Variants in FMNL2 observed in about 807,000 individuals in gnomAD.
FMNL2 encodes formin like 2.
A neutral mutation model predicts 130.2 loss-of-function variants in FMNL2; 51 were observed. That is an observed-to-expected ratio of 0.39 (90% confidence interval 0.31 to 0.49). The LOEUF (loss-of-function observed/expected upper bound fraction) is 0.49, where lower values mean the gene tolerates loss of function less well. Ranked by LOEUF, FMNL2 falls within the 20% of genes least tolerant of loss-of-function variation. The probability of loss-of-function intolerance (pLI) is 0.85; values close to 1 mark genes in which losing one functional copy is unlikely to be tolerated. For missense variants in FMNL2, 977 were observed against 1,316.2 expected (o/e 0.74, Z 3.99); for synonymous variants, 465 against 467.1 (o/e 1.00, Z 0.06).
At chr2:152,568,059 G>A (rs1695952631) in intron 6 of FMNL2, among the ~76,000 whole-genome samples, 1 of 152,076 alleles carries the variant, frequency 6.6e-6, no homozygotes, top group African/African-American at 2.4e-5. Context: ...TATGTAGTCT[G>A]GGTATTGAAG....
chr2:152,519,837 TA>T (rs1360350470), intron 1 of FMNL2, among the ~76,000 whole-genome samples: 1 of 152,240 alleles, frequency 6.6e-6, no homozygotes, highest in African/African-American at 2.4e-5. Context: ...TTATTCCCTT[TA>T]TATCTCGAGA....
chr2:152,488,879 ACCAGTCTGTGCAACATAGACT>A (rs1431962761), intron 1 of FMNL2, among the ~76,000 whole-genome samples: 1 of 151,694 alleles, frequency 6.6e-6, no homozygotes, highest in African/African-American at 2.4e-5. Context: ...GGAGTTTGAG[ACCAGTCTGTGCAACATAGACT>A]CCATCTACAA....
intron 3 of FMNL2, among the ~76,000 whole-genome samples, chr2:152,543,206 C>T (rs1229707539): frequency 6.6e-6 from 1 of 152,150 alleles, no homozygotes; most frequent in Admixed American, 6.5e-5. Flanking sequence ...ATCACTGGGC[C>T]TTTGTCATCC....
intron 2 of FMNL2, among the ~76,000 whole-genome samples, chr2:152,538,813 C>A (rs1487306149): frequency 6.6e-6 from 1 of 152,144 alleles, no homozygotes; most frequent in Non-Finnish European, 1.5e-5. Flanking sequence ...CCTGATTTGC[C>A]AAACCTTTTC....
rs1374042343 is a variant in FMNL2 at position 152,648,932 on chromosome 2, A to T, written c.*1027A>T. 2 of 152,626 alleles carry T rather than the reference A, an allele frequency of 1.3e-5. No homozygotes were observed. The highest frequency in any genetic ancestry group is 1.5e-5 in the Non-Finnish European group (1 of 68,044). 9.5% of individuals were successfully genotyped at this position (152,626 alleles called of 1,614,324 possible). A position where few individuals can be genotyped will look rare whatever the true frequency, so the allele number is the denominator to read the frequency against. On this transcript the variant is annotated 3_prime_UTR_variant, in exon 26 of 26. Coordinates refer to ENST00000288670, the MANE Select transcript of FMNL2 (RefSeq NM_052905.4). ...GCTGAAAAGTATTAACATGGTATTA[A>T]GCTTAAATAATACGTAATGGGACTA...
At position 152,481,727 on chromosome 2, in the gene FMNL2, A is replaced by G. The variant is rs138095924; in HGVS notation, c.118-40216A>G. Among the ~76,000 whole-genome samples, 414 of 152,324 alleles carry G rather than the reference A, an allele frequency of 2.7e-3. 1 individual carries two copies. Among genetic ancestry groups the G allele is most frequent in the Middle Eastern group, 0.014 (4 of 294 alleles). On this transcript the variant is annotated intron_variant, in intron 1 of 25. Transcript: ENST00000288670. ...AGGATTGTCGTGATAGGTCCTCTCC[A>G]GTGTTCAGATCAACCTGATAATGTC...
Position 152,648,205 on chromosome 2 carries a change from C to T in FMNL2, c.*300C>T. On this transcript the variant is annotated 3_prime_UTR_variant, in exon 26 of 26. Coordinates refer to ENST00000288670, the MANE Select transcript of FMNL2 (RefSeq NM_052905.4). ...TGTAAAGTTCTTATTAAACTCATTA[C>T]CTGCCATTGTGATTGTCCCATCATG... 1 of 283,558 alleles carries T rather than the reference C, an allele frequency of 3.5e-6. No individual in the cohort carries two copies. Among genetic ancestry groups the T allele is most frequent in the Non-Finnish European group, 6.6e-6 (1 of 151,988 alleles). The allele number at this position is 283,558 out of a possible 1,614,324, so 17.6% of individuals were successfully genotyped here. A position where few individuals can be genotyped will look rare whatever the true frequency, so the allele number is the denominator to read the frequency against.
intron 1 of FMNL2, among the ~76,000 whole-genome samples, chr2:152,401,344 A>T (rs1232535574): frequency 6.6e-6 from 1 of 152,226 alleles, no homozygotes; most frequent in Non-Finnish European, 1.5e-5. Flanking sequence ...TTCACGTTGG[A>T]CATCTCACCC....
At chr2:152,514,407 T>G (rs1692649897) in intron 1 of FMNL2, among the ~76,000 whole-genome samples, 1 of 152,184 alleles carries the variant, frequency 6.6e-6, no homozygotes, top group Non-Finnish European at 1.5e-5. Flanking sequence ...TGCACAGCTC[T>G]TTGCCTTCTC....
intron 9 of FMNL2, among the ~76,000 whole-genome samples, chr2:152,599,870 TC>T (rs1443698742): frequency 1.3e-5 from 2 of 152,170 alleles, no homozygotes; most frequent in African/African-American, 4.8e-5. Context: ...CACAGTTAAA[TC>T]CCAAGGAGAC....
intron 1 of FMNL2, among the ~76,000 whole-genome samples, chr2:152,443,580 C>T (rs1222259731): frequency 1.3e-5 from 2 of 152,124 alleles, no homozygotes; most frequent in African/African-American, 2.4e-5. Context: ...TGGTGGCTCA[C>T]GCCTATAATC....
chr2:152,339,943 G>A (rs1045592512), intron 1 of FMNL2, among the ~76,000 whole-genome samples: 2 of 152,156 alleles, frequency 1.3e-5, no homozygotes, highest in Non-Finnish European at 2.9e-5. Context: ...CACTTTGGGA[G>A]GCTGAGGTGA....
intron 8 of FMNL2, among the ~76,000 whole-genome samples, 186 bp downstream of exon 8, chr2:152,579,150 G>A (rs1696636820): frequency 1.3e-5 from 2 of 152,340 alleles, no homozygotes; most frequent in South Asian, 4.1e-4. Context: ...ATGGGCCAGA[G>A]TTGAGCAACT....
intron 11 of FMNL2, among the ~76,000 whole-genome samples, chr2:152,612,566 C>G (rs1253966912): frequency 6.6e-6 from 1 of 152,112 alleles, no homozygotes; most frequent in African/African-American, 2.4e-5. Context: ...GTTTTGTTTT[C>G]CCTTTTGTAT....
intron 25 of FMNL2, among the ~76,000 whole-genome samples, chr2:152,645,923 C>T (rs79496586): frequency 6.6e-6 from 1 of 152,178 alleles, no homozygotes; most frequent in Non-Finnish European, 1.5e-5. Flanking sequence ...AACCACAAAG[C>T]TGCATATGAG....
At chr2:152,564,282 T>C (rs1695693821) in intron 6 of FMNL2, among the ~76,000 whole-genome samples, 1 of 152,190 alleles carries the variant, frequency 6.6e-6, no homozygotes. Context: ...GTTTCTTCTT[T>C]TTAATCTCCC....
Position 152,646,630 on chromosome 2 carries a change from G to A in FMNL2, c.3170-1166G>A, listed in dbSNP as rs896458897. On this transcript the variant is annotated intron_variant, in intron 25 of 25. Coordinates refer to ENST00000288670, the MANE Select transcript of FMNL2 (RefSeq NM_052905.4). ...AGCAAACATTCTGTGGGTCAAATGTGGTCCATCAGCTGCATTTTCAACTTG... is the reference window on the plus strand; with the variant it reads ...AGCAAACATTCTGTGGGTCAAATGTAGTCCATCAGCTGCATTTTCAACTTG... 7.2e-5 allele frequency among the ~76,000 whole-genome samples: 11 copies of A among 152,022 alleles called. No individual in the cohort carries two copies. In the East Asian group the frequency reaches 1.9e-3, roughly 27 times the overall value.
rs1349994039 is a variant in FMNL2, at chr2:152,649,744, A to G, written c.*1839A>G. On this transcript the variant is annotated 3_prime_UTR_variant, in exon 26 of 26. Coordinates refer to ENST00000288670, the MANE Select transcript of FMNL2 (RefSeq NM_052905.4). The stretch of plus-strand genomic sequence containing the variant: ...AATGGGCCTGCTTCTTAGCAATATT[A>G]GAATGTTTTATAAAAGCAATTCATG... The G allele has an allele frequency of 6.6e-6, 1 of 152,670 alleles. No homozygotes were observed. The highest frequency in any genetic ancestry group is 1.5e-5 in the Non-Finnish European group (1 of 68,044). The allele number at this position is 152,670 out of a possible 1,614,324, so 9.5% of individuals were successfully genotyped here.
chr2:152,388,094 T>C (rs1046500687), intron 1 of FMNL2, among the ~76,000 whole-genome samples: 2 of 152,206 alleles, frequency 1.3e-5, no homozygotes, highest in African/African-American at 4.8e-5. Flanking sequence ...TAGAAATTCT[T>C]GCTCTGTTTA....
Sources: gnomAD v4.1 joint callset for allele counts (sites outside exome capture counted in the v4.1 genomes callset) on GRCh38, gnomAD v4.1.1 for gene constraint, MANE v1.5 for transcripts, NCBI Gene and HGNC (gene_info 2026-07-23, HGNC 2026-07-21) for gene names.